Variants in MRPS16 observed in about 807,000 individuals in gnomAD.
The protein encoded by MRPS16 is small ribosomal subunit protein bS16m.
In MRPS16, 5 loss-of-function variants were observed where a neutral mutation model predicts 11.0. The ratio of observed to expected loss-of-function variants is 0.46; its 90% CI spans 0.24 to 0.96. MRPS16 has a LOEUF of 0.96. Among genes scored for constraint, MRPS16 ranks in the 40% least tolerant of loss-of-function variants. MRPS16 has a pLI of 0.20. For synonymous variants in MRPS16, 76 were observed against 65.0 expected, an observed-to-expected ratio of 1.17 and a Z score of -0.81; for missense variants, 179 against 174.4, an observed-to-expected ratio of 1.03 and a Z score of -0.15.
chr10:73,251,855 T>A lies in MRPS16; in HGVS notation c.182A>T (p.His61Leu), dbSNP rs1476695813. Residue 61 changes from histidine to leucine, a missense_variant, in exon 2 of 3, where the codon CAT (histidine) becomes CTT (leucine). Coordinates refer to ENST00000372945, the MANE Select transcript of MRPS16 (RefSeq NM_016065.4). Reference protein sequence around the residue: ...LGSYDPLPNSHGEKLVALNLD... With the variant: ...LGSYDPLPNSLGEKLVALNLD... ...GTTGAGGGCAACGAGTTTTTCTCCATGACTGTTGGGCAATGGATCATAGGA... is the reference window on the plus strand; with the variant it reads ...GTTGAGGGCAACGAGTTTTTCTCCAAGACTGTTGGGCAATGGATCATAGGA... The A allele has an allele frequency of 6.2e-7, 1 of 1,614,186 alleles. No homozygotes were observed.
In MRPS16 at chr10:73,252,457, C is replaced by T; in HGVS notation, c.13+13G>A. ...GACCGCCCGGAACGTCTCGCGGTGG[C>T]CCGATGACTCACTGAGGTGGACCAT... On this transcript the variant is annotated intron_variant, in intron 1 of 2. Transcript: ENST00000372945. 6.2e-7 allele frequency: 1 copy of T among 1,609,390 alleles called. No individual in the cohort carries two copies. Among genetic ancestry groups the T allele is most frequent in the Non-Finnish European group, 8.5e-7 (1 of 1,179,818 alleles).
In MRPS16 at chr10:73,251,921, T is replaced by TTG. The variant is rs2044111508; in HGVS notation, c.114_115dup (p.Asn39ThrfsTer11). ...GAAACGGCCATCCCTGGGACACTTG[T>TTG]TGTGAGCAGCCACAATGCGGTAGAA... is the stretch of plus-strand genomic sequence containing the variant. On this transcript the variant is annotated frameshift_variant, in exon 2 of 3. Transcript: ENST00000372945. LOFTEE classifies it high-confidence loss of function. The TTG allele has an allele frequency of 1.1e-5, 18 of 1,614,198 alleles. No individual in the cohort carries two copies. The highest frequency in any genetic ancestry group is 1.5e-5 in the Non-Finnish European group (18 of 1,180,036).
At position 73,249,198 on chromosome 10, in the gene MRPS16, G is replaced by A; in HGVS notation, c.*1654C>T. On this transcript the variant is annotated 3_prime_UTR_variant, in exon 3 of 3. Coordinates refer to ENST00000372945, the MANE Select transcript of MRPS16 (RefSeq NM_016065.4). ...CTCCCAAAGTGCTGAGATTACAGGT[G>A]TGAGCCACTGCCCCAATGGTATCTT... 3 of 1,300,822 alleles carry A rather than the reference G, an allele frequency of 2.3e-6. No homozygotes were observed. The highest frequency in any genetic ancestry group is 3.2e-6 in the Non-Finnish European group (3 of 926,008). The allele number at this position is 1,300,822 out of a possible 1,614,324, so 80.6% of individuals were successfully genotyped here.
chr10:73,251,265 CAA>C (rs1170886558), intron 2 of MRPS16, among the ~76,000 whole-genome samples: 2 of 152,302 alleles, frequency 1.3e-5, no homozygotes, highest in African/African-American at 4.8e-5. Flanking sequence ...ACCAGTCACC[CAA>C]AGTCTTACAA....
Position 73,251,962 on chromosome 10 carries a change from G to C in MRPS16, c.75C>G (p.Gly25=), listed in dbSNP as rs772712988. 6.2e-6 allele frequency: 10 copies of C among 1,614,112 alleles called. No individual in the cohort carries two copies. The South Asian group carries it at 9.9e-5, about 16-fold the overall frequency. The change falls in exon 2 of 3, where the codon GGC becomes GGG. Residue 25 remains glycine, a synonymous_variant. Transcript: ENST00000372945. ...GHLTIRLALG[G]CTNRPFYRIV... The stretch of plus-strand genomic sequence containing the variant: ...TGCGGTAGAACGGCCGATTGGTGCA[G>C]CCACCCAGGGCAAGGCGGATGGTTA...
At position 73,250,651 on chromosome 10, in the gene MRPS16, C is replaced by G. The variant is rs2044076865; in HGVS notation, c.*201G>C. On this transcript the variant is annotated 3_prime_UTR_variant, in exon 3 of 3. Coordinates refer to ENST00000372945, the MANE Select transcript of MRPS16 (RefSeq NM_016065.4). ...TATCCCAAGACAAAGTCGAAAAAAGCTAATTAGTACCCACACCCAGCTCTA... is the reference window on the plus strand; with the variant it reads ...TATCCCAAGACAAAGTCGAAAAAAGGTAATTAGTACCCACACCCAGCTCTA... The G allele has an allele frequency of 3.0e-6, 2 of 656,132 alleles. No individual in the cohort carries two copies. The highest frequency in any genetic ancestry group is 1.8e-5 in the African/African-American group (1 of 54,654). The allele number at this position is 656,132 out of a possible 1,614,324, so 40.6% of individuals were successfully genotyped here. A position where few individuals can be genotyped will look rare whatever the true frequency, so the allele number is the denominator to read the frequency against.
At chr10:73,251,088 A>G in intron 2 of MRPS16, 97 bp from the exon 3 acceptor site, 2 of 1,420,136 alleles carry the variant, frequency 1.4e-6, no homozygotes, top group Non-Finnish European at 2.0e-6. Flanking sequence ...GATCTGACCC[A>G]GTGCATGGAT....
rs767862519 is a variant in MRPS16 at position 73,250,991 on chromosome 10, C to T, written c.275G>A (p.Gly92Asp). 1 of 1,614,086 alleles carries T rather than the reference C, an allele frequency of 6.2e-7. No individual in the cohort carries two copies. The highest frequency in any genetic ancestry group is 8.5e-7 in the Non-Finnish European group (1 of 1,179,994). ...ATGCAGAGGGAAAAAGCCAGCAAGA[C>T]CTAAAAGTAACAGATTTTTCACTTA... ...HLSKPMEKLL[G>D]LAGFFPLHPM... Residue 92 changes from glycine to aspartate, a missense_variant and splice_region_variant, in exon 3 of 3, where the codon GGT becomes GAT. Transcript: ENST00000372945.
rs771808248 is a variant in MRPS16, at chr10:73,252,436, G to A, written c.13+34C>T. On this transcript the variant is annotated intron_variant, in intron 1 of 2. Transcript: ENST00000372945. ...CCCCGAACTCCCGAGCCCCGTGACCGCCCGGAACGTCTCGCGGTGGCCCGA... is the reference window on the plus strand; with the variant it reads ...CCCCGAACTCCCGAGCCCCGTGACCACCCGGAACGTCTCGCGGTGGCCCGA... The A allele has an allele frequency of 5.6e-6, 9 of 1,608,900 alleles. No homozygotes were observed. In the Admixed American group the frequency reaches 1.5e-4, roughly 27 times the overall value.
intron 2 of MRPS16, 33 bp downstream of exon 2, chr10:73,251,730 C>A (rs756322113): frequency 1.2e-6 from 2 of 1,613,852 alleles, no homozygotes; most frequent in East Asian, 2.2e-5. Flanking sequence ...AGTTTAAAAT[C>A]CCCTCAATAA....
At position 73,251,865 on chromosome 10, in the gene MRPS16, G is replaced by A. The variant is rs2044108267; in HGVS notation, c.172C>T (p.Pro58Ser). Residue 58 changes from proline (P) to serine (S), a missense_variant, in exon 2 of 3, where the codon CCC (proline) becomes TCC (serine). Pro to Ser is a moderately conservative substitution (Grantham distance 74, BLOSUM62 -1). Coordinates refer to ENST00000372945, the MANE Select transcript of MRPS16 (RefSeq NM_016065.4). ...VEQLGSYDPL[P>S]NSHGEKLVAL... The stretch of plus-strand genomic sequence containing the variant: ...ACGAGTTTTTCTCCATGACTGTTGG[G>A]CAATGGATCATAGGAGCCCAGCTGC... The A allele has an allele frequency of 6.2e-7, 1 of 1,614,062 alleles. No individual in the cohort carries two copies.
At chr10:73,251,259 G>A (rs1398959709) in intron 2 of MRPS16, among the ~76,000 whole-genome samples, 1 of 152,126 alleles carries the variant, frequency 6.6e-6, no homozygotes, top group Non-Finnish European at 1.5e-5. Flanking sequence ...TAAAATACCA[G>A]TCACCCAAAG....
intron 2 of MRPS16, among the ~76,000 whole-genome samples, chr10:73,251,340 C>G (rs994368926): frequency 6.6e-6 from 1 of 152,136 alleles, no homozygotes; most frequent in Non-Finnish European, 1.5e-5. Flanking sequence ...TCAGCTCCCA[C>G]TTCAGTCCTG....
chr10:73,251,386 TTTTC>T (rs1312168124), intron 2 of MRPS16, among the ~76,000 whole-genome samples: 1 of 152,018 alleles, frequency 6.6e-6, no homozygotes, highest in Non-Finnish European at 1.5e-5. Flanking sequence ...TCTTTTTTTT[TTTTC>T]TTTGAGATGG....
Position 73,251,887 on chromosome 10 carries a change from C to A in MRPS16, c.150G>T (p.Gln50His), listed in dbSNP as rs1176948288. 1 of 1,614,206 alleles carries A rather than the reference C, an allele frequency of 6.2e-7. No homozygotes were observed. Among genetic ancestry groups the A allele is most frequent in the Non-Finnish European group, 8.5e-7 (1 of 1,180,048 alleles). Residue 50 changes from glutamine to histidine, a missense_variant, in exon 2 of 3, where the codon CAG (glutamine) becomes CAT (histidine). By Grantham distance (24) the Gln-to-His change is conservative (BLOSUM62 0). Coordinates refer to ENST00000372945, the MANE Select transcript of MRPS16 (RefSeq NM_016065.4). ...KCPRDGRFVE[Q>H]LGSYDPLPNS... is the part of the protein sequence containing the mutation. Reference sequence around the variant, plus strand: ...TGGGCAATGGATCATAGGAGCCCAGCTGCTCTACGAAACGGCCATCCCTGG... The same window carrying A: ...TGGGCAATGGATCATAGGAGCCCAGATGCTCTACGAAACGGCCATCCCTGG...
chr10:73,250,675 TA>T lies in MRPS16; in HGVS notation c.*176del. On this transcript the variant is annotated 3_prime_UTR_variant, in exon 3 of 3. Coordinates refer to ENST00000372945, the MANE Select transcript of MRPS16 (RefSeq NM_016065.4). ...GCTAATTAGTACCCACACCCAGCTC[TA>T]AGTCACACAAGAACAAATCTCTCCC... 2 of 822,622 alleles carry T rather than the reference TA, an allele frequency of 2.4e-6. No individual in the cohort carries two copies. The highest frequency in any genetic ancestry group is 4.0e-6 in the Non-Finnish European group (2 of 504,126). 51.0% of individuals were successfully genotyped at this position (822,622 alleles called of 1,614,324 possible).
rs1487489991 is a variant in MRPS16, at chr10:73,249,281, G to A, written c.*1571C>T. On this transcript the variant is annotated 3_prime_UTR_variant, in exon 3 of 3. Coordinates refer to ENST00000372945, the MANE Select transcript of MRPS16 (RefSeq NM_016065.4). ...TCTTGATGTTGAATTTCATCTCACT[G>A]ACTTCAGGCTTTTAAAACACATGGG... The A allele has an allele frequency of 1.9e-6, 3 of 1,549,582 alleles. No individual in the cohort carries two copies. The highest frequency in any genetic ancestry group is 2.4e-5 in the South Asian group (2 of 83,832).
In MRPS16 at chr10:73,249,480, T is replaced by C. The variant is rs2044055663; in HGVS notation, c.*1372A>G. On this transcript the variant is annotated 3_prime_UTR_variant, in exon 3 of 3. Transcript: ENST00000372945. ...AACACTCATTACAGGTTGTCAACAT[T>C]ATTGGTATACAGTTTATCCTAACAC... 1 of 677,206 alleles carries C rather than the reference T, an allele frequency of 1.5e-6. No homozygotes were observed. Among genetic ancestry groups the C allele is most frequent in the African/African-American group, 1.8e-5 (1 of 54,986 alleles). 41.9% of individuals were successfully genotyped at this position (677,206 alleles called of 1,614,324 possible).
chr10:73,249,372 A>T lies in MRPS16; in HGVS notation c.*1480T>A. 5 of 1,465,356 alleles carry T rather than the reference A, an allele frequency of 3.4e-6. No homozygotes were observed. In the South Asian group the frequency reaches 6.2e-5, roughly 18 times the overall value. 90.8% of individuals were successfully genotyped at this position (1,465,356 alleles called of 1,614,324 possible). ...AGTAGAACTAAAGTATACTGAAGTT[A>T]TTCAAATACATTCAAACTATAAAGA... On this transcript the variant is annotated 3_prime_UTR_variant, in exon 3 of 3. Coordinates refer to ENST00000372945, the MANE Select transcript of MRPS16 (RefSeq NM_016065.4).
Sources: allele counts gnomAD v4.1 joint callset (sites outside exome capture counted in the v4.1 genomes callset), GRCh38; gene constraint gnomAD v4.1.1; transcripts MANE v1.5; gene names NCBI Gene and HGNC (gene_info 2026-07-23, HGNC 2026-07-21).